ASB3: variants seen among roughly 807,000 people sequenced by gnomAD.
ASB3 encodes the protein ankyrin repeat and SOCS box containing 3.
A neutral mutation model predicts 54.5 loss-of-function variants in ASB3; 41 were observed. The ratio of observed to expected loss-of-function variants is 0.75; its 90% CI spans 0.59 to 0.98. The LOEUF (loss-of-function observed/expected upper bound fraction) is 0.98, where lower values mean the gene tolerates loss of function less well. ASB3 is among the 50% of genes least tolerant of loss of function. The probability of loss-of-function intolerance (pLI) is 0.00; values close to 1 mark genes in which losing one functional copy is unlikely to be tolerated. For missense variants in ASB3, 733 were observed against 620.0 expected, an observed-to-expected ratio of 1.18 and a Z score of -1.94; for synonymous variants, 266 against 221.2, an observed-to-expected ratio of 1.20 and a Z score of -1.80.
Position 53,765,582 on chromosome 2 carries a change from C to T in ASB3, c.-10G>A, listed in dbSNP as rs1558568667. 1.9e-6 allele frequency: 3 copies of T among 1,614,138 alleles called. No individual in the cohort carries two copies. In the East Asian group the frequency reaches 6.7e-5, roughly 36 times the overall value. On this transcript the variant is annotated 5_prime_UTR_variant, in exon 2 of 10. Coordinates refer to ENST00000263634, the MANE Select transcript of ASB3 (RefSeq NM_016115.5). ...CCTCTGTAAAATCCATTTGTTTGAC[C>T]AGTCTACAAAACAAGGTAGAAGGAT...
chr2:53,744,611 G>A (rs1261627275), intron 3 of ASB3, among the ~76,000 whole-genome samples: 2 of 151,820 alleles, frequency 1.3e-5, no homozygotes, highest in African/African-American at 4.8e-5. Context: ...AATCACTGAA[G>A]ATTAATCTTC....
At chr2:53,721,398 C>CAAAAAAAAAAAAAAAAAA (rs1195017138) in intron 5 of ASB3, among the ~76,000 whole-genome samples, 1 of 87,388 alleles carries the variant, frequency 1.1e-5, no homozygotes, top group African/African-American at 4.3e-5. Context: ...TACTAAACTA[C>CAAAAAAAAAAAAAAAAAA]AAAAAAAAAA....
chr2:53,769,446 G>C (rs10490471), intron 1 of ASB3, among the ~76,000 whole-genome samples: 84,305 of 152,146 alleles, frequency 0.55, 24,523 homozygotes, highest in African/African-American at 0.74. Context: ...TAGTCTTGAC[G>C]AAAATGTACA....
rs768544955 is a variant in ASB3, at chr2:53,728,773, T to A, written c.543A>T (p.Thr181=). The A allele has an allele frequency of 1.9e-6, 3 of 1,612,808 alleles. No homozygotes were observed. The highest frequency in any genetic ancestry group is 1.7e-6 in the Non-Finnish European group (2 of 1,179,330). Reference sequence around the variant, plus strand: ...CATACTGAGCAGCCACAAATAAAGGTGTGATTCCAAAGTCATCCTGGCATT... The same window carrying A: ...CATACTGAGCAGCCACAAATAAAGGAGTGATTCCAAAGTCATCCTGGCATT... ...NKECQDDFGI[T]PLFVAAQYGK... The change falls in exon 5 of 10, where the codon ACA becomes ACT. Residue 181 remains threonine, a synonymous_variant. Transcript: ENST00000263634.
intron 9 of ASB3, among the ~76,000 whole-genome samples, chr2:53,685,043 G>C (rs755934086): frequency 6.6e-6 from 1 of 152,198 alleles, no homozygotes; most frequent in Non-Finnish European, 1.5e-5. Flanking sequence ...CTCATGGTGG[G>C]ACAGCACGGG....
chr2:53,670,492 GTTTCACTGA>G lies in ASB3; in HGVS notation c.*2_*10del, dbSNP rs765585966. On this transcript the variant is annotated 3_prime_UTR_variant, in exon 10 of 10. Coordinates refer to ENST00000263634, the MANE Select transcript of ASB3 (RefSeq NM_016115.5). ...AGAAAAAAATTAGCTGTGTTAAGTA[GTTTCACTGA>G]TTTATCCATCTTGAATAGCTGCCAG... 12 of 1,610,706 alleles carry G rather than the reference GTTTCACTGA, an allele frequency of 7.5e-6. No individual in the cohort carries two copies. The African/African-American group carries it at 1.5e-4, about 20-fold the overall frequency.
chr2:53,754,985 T>A (rs1323152686), intron 2 of ASB3, among the ~76,000 whole-genome samples: 2 of 152,328 alleles, frequency 1.3e-5, no homozygotes, highest in South Asian at 2.1e-4. Flanking sequence ...TCTCTTCCCT[T>A]CTCTACAGGG....
intron 5 of ASB3, among the ~76,000 whole-genome samples, chr2:53,723,549 C>A (rs564962151): frequency 1.3e-5 from 2 of 152,258 alleles, no homozygotes; most frequent in South Asian, 4.2e-4. Context: ...TATCAAACTA[C>A]CGACACCATT....
intron 2 of ASB3, among the ~76,000 whole-genome samples, chr2:53,759,155 A>T (rs1673000587): frequency 6.6e-6 from 1 of 152,200 alleles, no homozygotes; most frequent in Admixed American, 6.5e-5. Flanking sequence ...AAAGAGAACA[A>T]TTCTCCACAG....
At chr2:53,717,067 GT>G (rs1670438226) in intron 5 of ASB3, among the ~76,000 whole-genome samples, 1 of 152,068 alleles carries the variant, frequency 6.6e-6, no homozygotes, top group African/African-American at 2.4e-5. Context: ...AAATAAAAAG[GT>G]CTTGCCTCTA....
chr2:53,672,491 G>C (rs1667871289), intron 9 of ASB3, among the ~76,000 whole-genome samples: 2 of 152,126 alleles, frequency 1.3e-5, no homozygotes, highest in South Asian at 4.1e-4. Flanking sequence ...TTTTCCAAAG[G>C]TTTAAGTAGA....
intron 2 of ASB3, among the ~76,000 whole-genome samples, chr2:53,763,989 T>C (rs1174554447): frequency 3.3e-5 from 5 of 152,148 alleles, no homozygotes; most frequent in Admixed American, 6.5e-5. Flanking sequence ...ATTTAGGAAG[T>C]TTAGCCTTAC....
At chr2:53,677,171 G>T (rs1224963490) in intron 9 of ASB3, among the ~76,000 whole-genome samples, 1 of 152,310 alleles carries the variant, frequency 6.6e-6, no homozygotes, top group South Asian at 2.1e-4. Flanking sequence ...TGCTGTACAA[G>T]TTTGTGGCCT....
chr2:53,750,400 C>T (rs1481570785), intron 3 of ASB3, among the ~76,000 whole-genome samples: 4 of 152,042 alleles, frequency 2.6e-5, no homozygotes, highest in Non-Finnish European at 5.9e-5. Context: ...TGATTTCTTC[C>T]ATAAAAGCTT....
intron 5 of ASB3, among the ~76,000 whole-genome samples, chr2:53,724,033 A>T (rs944074456): frequency 6.6e-6 from 1 of 152,218 alleles, no homozygotes; most frequent in Non-Finnish European, 1.5e-5. Context: ...GCCCTGAGAA[A>T]GAATTTATGA....
intron 9 of ASB3, among the ~76,000 whole-genome samples, chr2:53,689,091 A>C (rs1045036954): frequency 2.0e-5 from 3 of 152,142 alleles, no homozygotes; most frequent in Non-Finnish European, 4.4e-5. Context: ...ATGAAATTTT[A>C]AAGAGGGTCT....
intron 8 of ASB3, among the ~76,000 whole-genome samples, chr2:53,694,759 T>C (rs1255087357): frequency 6.6e-6 from 1 of 152,168 alleles, no homozygotes; most frequent in Non-Finnish European, 1.5e-5. Flanking sequence ...GCCTGAATTA[T>C]TTAAACTCTC....
intron 9 of ASB3, among the ~76,000 whole-genome samples, chr2:53,691,126 A>G (rs573820854): frequency 1.3e-5 from 2 of 152,240 alleles, no homozygotes; most frequent in Non-Finnish European, 2.9e-5. Context: ...TACCTGGTAT[A>G]CATTTCCTTT....
chr2:53,768,381 CCA>C lies in ASB3; in HGVS notation c.-13-2798_-13-2797del, dbSNP rs549454296. On this transcript the variant is annotated intron_variant, in intron 1 of 9. Transcript: ENST00000263634. ...GGCGGGAAGATGAATGCTCATGTCA[CCA>C]CAGAGTTGAAATAGTAAATCAAGTT... 88 of 196,540 alleles carry C rather than the reference CCA, an allele frequency of 4.5e-4. 1 individual carries two copies. In the South Asian group the frequency reaches 0.014, roughly 31 times the overall value. The allele number at this position is 196,540 out of a possible 1,614,324, so 12.2% of individuals were successfully genotyped here. A position where few individuals can be genotyped will look rare whatever the true frequency, so the allele number is the denominator to read the frequency against.
Sources: allele counts gnomAD v4.1 joint callset (sites outside exome capture counted in the v4.1 genomes callset), GRCh38; gene constraint gnomAD v4.1.1; transcripts MANE v1.5; gene names NCBI Gene and HGNC (gene_info 2026-07-23, HGNC 2026-07-21).